The following COL15A1 variants were observed in gnomAD, a reference collection of about 807,000 sequenced individuals.
COL15A1 encodes the protein collagen alpha-1(XV) chain.
Under a neutral mutation model 165.9 loss-of-function variants are expected in COL15A1, and 111 were observed. That is an observed-to-expected ratio of 0.67 (90% CI 0.57 to 0.78). The LOEUF (loss-of-function observed/expected upper bound fraction) is 0.78. Among genes scored for constraint, COL15A1 ranks in the 30% least tolerant of loss-of-function variants. The pLI, the probability that COL15A1 is intolerant of heterozygous loss-of-function variation, is 0.00. For missense variants in COL15A1, 1,745 were observed against 1,789.7 expected, an observed-to-expected ratio of 0.98 and a Z score of 0.45; for synonymous variants, 659 against 674.8, an observed-to-expected ratio of 0.98 and a Z score of 0.36.
chr9:98,971,273 C>T (rs553107943), intron 2 of COL15A1, among the ~76,000 whole-genome samples: 12 of 152,186 alleles, frequency 7.9e-5, no homozygotes, highest in Non-Finnish European at 1.2e-4. Context: ...ATGCCCCTCA[C>T]GTGCCCCTGA....
At chr9:98,970,153 G>A (rs191952716) in intron 2 of COL15A1, among the ~76,000 whole-genome samples, 27 of 151,844 alleles carry the variant, frequency 1.8e-4, no homozygotes, top group Admixed American at 3.3e-4. Context: ...TAAGGGCTCC[G>A]TATACAGGAA....
At chr9:98,951,457 T>G (rs1170977374) in intron 2 of COL15A1, among the ~76,000 whole-genome samples, 3 of 152,218 alleles carry the variant, frequency 2.0e-5, no homozygotes, top group Admixed American at 6.5e-5. Context: ...CTTCCTCCAC[T>G]AACACTAAGT....
intron 37 of COL15A1, 52 bp downstream of exon 37, chr9:99,062,151 AATAATCTACTCCC>A: frequency 1.3e-5 from 21 of 1,607,856 alleles, no homozygotes; most frequent in Non-Finnish European, 1.7e-5. Context: ...CTCTAAAAAT[AATAATCTACTCCC>A]ATAAATGCCA....
intron 2 of COL15A1, among the ~76,000 whole-genome samples, chr9:98,973,663 G>C (rs1011910028): frequency 6.6e-6 from 1 of 152,232 alleles, no homozygotes; most frequent in African/African-American, 2.4e-5. Flanking sequence ...CAGGCAGAGA[G>C]CTGTGACATT....
At chr9:98,952,535 TTAAAA>T (rs1198152031) in intron 2 of COL15A1, among the ~76,000 whole-genome samples, 1 of 152,224 alleles carries the variant, frequency 6.6e-6, no homozygotes, top group Admixed American at 6.5e-5. Flanking sequence ...GCTTGATCAC[TTAAAA>T]TGAACCATAG....
chr9:98,975,543 T>A (rs1202608483), intron 2 of COL15A1, among the ~76,000 whole-genome samples: 1 of 152,224 alleles, frequency 6.6e-6, no homozygotes, highest in Non-Finnish European at 1.5e-5. Flanking sequence ...CTGCTCTGTT[T>A]GTTTCTTCAT....
chr9:98,944,829 C>T (rs1440640489), intron 2 of COL15A1, among the ~76,000 whole-genome samples: 1 of 152,260 alleles, frequency 6.6e-6, no homozygotes, highest in Non-Finnish European at 1.5e-5. Flanking sequence ...GATCTGATCC[C>T]TTCCGTTCCC....
At chr9:98,945,608 T>C (rs1837568870) in intron 2 of COL15A1, among the ~76,000 whole-genome samples, 1 of 152,222 alleles carries the variant, frequency 6.6e-6, no homozygotes, top group South Asian at 2.1e-4. Context: ...CATTGTCTCC[T>C]GGGCAACAAG....
chr9:98,961,526 G>C (rs1837864936), intron 2 of COL15A1, among the ~76,000 whole-genome samples: 1 of 152,216 alleles, frequency 6.6e-6, no homozygotes, highest in Non-Finnish European at 1.5e-5. Context: ...CAGAGAAACA[G>C]AATGAGGAGA....
intron 5 of COL15A1, among the ~76,000 whole-genome samples, chr9:98,994,663 G>C (rs762605717): frequency 6.6e-6 from 1 of 152,086 alleles, no homozygotes; most frequent in Admixed American, 6.5e-5. Context: ...CCTAGCACAC[G>C]GTAGGGCCTC....
At chr9:99,056,514 G>A (rs11789689) in intron 35 of COL15A1, 110 bp downstream of exon 35, 163,534 of 1,425,582 alleles carry the variant, frequency 0.11, 11,689 homozygotes, top group East Asian at 0.35. Context: ...GGGCTTTCCT[G>A]GATACCGCCT....
rs549270561 is a variant in COL15A1, at chr9:99,016,132, G to A, written c.1647+13G>A. 5 of 1,591,250 alleles carry A rather than the reference G, an allele frequency of 3.1e-6. No homozygotes were observed. In the Admixed American group the frequency reaches 8.9e-5, roughly 28 times the overall value. On this transcript the variant is annotated intron_variant, in intron 11 of 41. Transcript: ENST00000375001. ...ATGGATCACTCCAGTAAGTGGCATA[G>A]AGCTGTAAGATTTGACTTGGCAGAC...
rs528522578 is a variant in COL15A1 at position 98,981,233 on chromosome 9, G to A, written c.101-4332G>A. ...AGCACTTTGGGAGGTCAAGGTGGGC[G>A]GATCACCTGAGGTCAGGAGTTCGAG... On this transcript the variant is annotated intron_variant, in intron 2 of 41. Coordinates refer to ENST00000375001, the MANE Select transcript of COL15A1 (RefSeq NM_001855.5). 6.6e-5 allele frequency among the ~76,000 whole-genome samples: 10 copies of A among 152,262 alleles called. No homozygotes were observed. The South Asian group carries it at 1.5e-3, about 22-fold the overall frequency.
chr9:99,033,568 T>G (rs1283525678), intron 16 of COL15A1, among the ~76,000 whole-genome samples: 5 of 152,246 alleles, frequency 3.3e-5, no homozygotes, highest in African/African-American at 4.8e-5. Flanking sequence ...TCAACTTCCC[T>G]GTTTTCCCCT....
chr9:99,045,527 C>T (rs182874186), intron 26 of COL15A1, among the ~76,000 whole-genome samples: 2 of 152,204 alleles, frequency 1.3e-5, no homozygotes, highest in African/African-American at 2.4e-5. Context: ...CTCTCAAGGG[C>T]GAACCCTAAA....
chr9:99,060,031 G>A lies in COL15A1; in HGVS notation c.3402+78G>A, dbSNP rs1588538678. ...TAAAACTCTGCCTACGATCTCCTGT[G>A]TCTGACATCCCTTGGGGATCAGGCC... is the stretch of plus-strand genomic sequence containing the variant. On this transcript the variant is annotated intron_variant, in intron 36 of 41. Coordinates refer to ENST00000375001, the MANE Select transcript of COL15A1 (RefSeq NM_001855.5). 11 of 1,497,742 alleles carry A rather than the reference G, an allele frequency of 7.3e-6. No homozygotes were observed. In the East Asian group the frequency reaches 2.4e-4, roughly 32 times the overall value. The allele number at this position is 1,497,742 out of a possible 1,614,324, so 92.8% of individuals were successfully genotyped here.
At chr9:98,967,318 C>G (rs902393683) in intron 2 of COL15A1, among the ~76,000 whole-genome samples, 1 of 152,220 alleles carries the variant, frequency 6.6e-6, no homozygotes, top group African/African-American at 2.4e-5. Context: ...TCTGTACTGA[C>G]TTTCCCTGGG....
chr9:98,957,206 T>C (rs566864143), intron 2 of COL15A1, among the ~76,000 whole-genome samples: 2 of 152,214 alleles, frequency 1.3e-5, no homozygotes, highest in East Asian at 3.9e-4. Context: ...ATCAGAGTGG[T>C]GTGATGTGAG....
chr9:99,039,824 C>A (rs1008947600), intron 22 of COL15A1, among the ~76,000 whole-genome samples: 2 of 152,212 alleles, frequency 1.3e-5, no homozygotes, highest in Non-Finnish European at 2.9e-5. Flanking sequence ...CACACTGTGA[C>A]GCTCTGTGCA....
Sources: gnomAD v4.1 joint callset for allele counts (sites outside exome capture counted in the v4.1 genomes callset) on GRCh38, gnomAD v4.1.1 for gene constraint, MANE v1.5 for transcripts, NCBI Gene and HGNC (gene_info 2026-07-23, HGNC 2026-07-21) for gene names.